The following HSH2D variants were observed in gnomAD, a reference collection of about 807,000 sequenced individuals.
HSH2D encodes the protein hematopoietic SH2 domain-containing protein.
HSH2D carries 16 observed loss-of-function variants against 21.5 expected under a neutral mutation model. The ratio of observed to expected loss-of-function variants is 0.74; its 90% confidence interval spans 0.50 to 1.13. The LOEUF (loss-of-function observed/expected upper bound fraction) is 1.13, where lower values mean the gene tolerates loss of function less well. HSH2D is among the 50% of genes most tolerant of loss of function. The pLI is 0.00. For synonymous variants in HSH2D, 172 were observed against 184.7 expected (o/e 0.93, Z 0.56); for missense variants, 418 against 441.4 (o/e 0.95, Z 0.47).
At chr19:16,142,932 C>T (rs1568327190), upstream of HSH2D, among the ~76,000 whole-genome samples, 5 of 151,490 alleles carry the variant, frequency 3.3e-5, no homozygotes, top group Non-Finnish European at 5.9e-5. Flanking sequence ...GCCACCACGC[C>T]TAATTTTTGT....
intron 3 of HSH2D, 59 bp downstream of exon 3, chr19:16,152,700 G>T (rs781144370): frequency 9.6e-6 from 12 of 1,250,050 alleles, no homozygotes; most frequent in South Asian, 3.9e-5. Flanking sequence ...TTCCTTGGAG[G>T]GGGCAAGGGG....
intron 3 of HSH2D, 128 bp from the exon 4 acceptor site, chr19:16,152,915 G>A (rs1236020383): frequency 6.2e-6 from 7 of 1,124,458 alleles, no homozygotes; most frequent in Non-Finnish European, 9.1e-6. Context: ...TGGCCAGTGA[G>A]TGAAGAAGCC....
chr19:16,154,342 C>T (rs1385612312), intron 4 of HSH2D, 57 bp from the exon 5 acceptor site: 3 of 1,199,148 alleles, frequency 2.5e-6, no homozygotes, highest in South Asian at 2.8e-5. Flanking sequence ...TTCCAGGGTC[C>T]GTGCAGGACC....
upstream of HSH2D, chr19:16,139,723 TG>T (rs1568325923): frequency 6.6e-6 from 1 of 152,298 alleles, no homozygotes; most frequent in Admixed American, 6.5e-5. Flanking sequence ...AATCTGTGAA[TG>T]GCCCACTTAC....
intron 1 of HSH2D, among the ~76,000 whole-genome samples, chr19:16,138,640 TAG>T (rs1379198173): frequency 2.0e-5 from 3 of 152,014 alleles, no homozygotes; most frequent in Non-Finnish European, 2.9e-5. Context: ...GTATTTTTGG[TAG>T]AGACAGGGTT....
At chr19:16,148,978 T>A (rs1568330109) in intron 2 of HSH2D, 103 bp downstream of exon 2, 1 of 1,294,976 alleles carries the variant, frequency 7.7e-7, no homozygotes, top group Non-Finnish European at 1.1e-6. Context: ...TTGGCTCAGC[T>A]CAGTGTGGCA....
At chr19:16,152,013 A>G (rs2091161770) in intron 2 of HSH2D, among the ~76,000 whole-genome samples, 1 of 150,382 alleles carries the variant, frequency 6.6e-6, no homozygotes, top group African/African-American at 2.4e-5. Flanking sequence ...AGGCTGAGGC[A>G]AGAGAATCAC....
rs376770192 is a variant in HSH2D at position 16,153,040 on chromosome 19, C to T, written c.216-3C>T. ...TGTCCCAGCCCCCGCAGTGTCTCCGCAGAGCCCAAAGCAGCTGCTGCCATT... is the reference window on the plus strand; with the variant it reads ...TGTCCCAGCCCCCGCAGTGTCTCCGTAGAGCCCAAAGCAGCTGCTGCCATT... On this transcript the variant is annotated splice_region_variant and splice_polypyrimidine_tract_variant and intron_variant, in intron 3 of 5. Coordinates refer to ENST00000613986, the MANE Select transcript of HSH2D (RefSeq NM_001382417.1). The T allele has an allele frequency of 3.1e-6, 5 of 1,608,662 alleles. No individual in the cohort carries two copies. The highest frequency in any genetic ancestry group is 3.4e-6 in the Non-Finnish European group (4 of 1,177,780).
intron 3 of HSH2D, 33 bp downstream of exon 3, chr19:16,152,674 A>T (rs1245461799): frequency 2.6e-6 from 4 of 1,509,584 alleles, no homozygotes; most frequent in Non-Finnish European, 3.6e-6. Context: ...GGGCAGGGGC[A>T]GGTGGGCTCT....
At chr19:16,150,811 T>C (rs1273173727) in intron 2 of HSH2D, among the ~76,000 whole-genome samples, 1 of 152,198 alleles carries the variant, frequency 6.6e-6, no homozygotes, top group Non-Finnish European at 1.5e-5. Context: ...TGAGTTATGA[T>C]TGCATCTCTG....
In HSH2D at chr19:16,154,382, C is replaced by G; in HGVS notation, c.382-17C>G. 6.6e-7 allele frequency: 1 copy of G among 1,526,392 alleles called. No homozygotes were observed. The allele number at this position is 1,526,392 out of a possible 1,614,324, so 94.6% of individuals were successfully genotyped here. A position where few individuals can be genotyped will look rare whatever the true frequency, so the allele number is the denominator to read the frequency against. ...CCCCTCCCTAGTGCTGAGCTACAGG[C>G]CCCTTCCGCCCTGCAGAAGGATCCC... is the stretch of plus-strand genomic sequence containing the variant. On this transcript the variant is annotated splice_polypyrimidine_tract_variant and intron_variant, in intron 4 of 5. Coordinates refer to ENST00000613986, the MANE Select transcript of HSH2D (RefSeq NM_001382417.1).
upstream of HSH2D, among the ~76,000 whole-genome samples, chr19:16,143,234 G>A (rs942372422): frequency 2.0e-4 from 31 of 152,074 alleles, no homozygotes; most frequent in African/African-American, 5.1e-4. Flanking sequence ...ACAGGCGTGC[G>A]CCGCCACACC....
Position 16,157,042 on chromosome 19 carries a change from C to T in HSH2D, c.475-168C>T, listed in dbSNP as rs2091245609. On this transcript the variant is annotated intron_variant, in intron 5 of 5. Coordinates refer to ENST00000613986, the MANE Select transcript of HSH2D (RefSeq NM_001382417.1). The surrounding 1 kb of genome is among the most constrained non-coding windows in gnomAD (Gnocchi z 4.4). ...CCAACCCCTGGGGGAGACAGTGAAG[C>T]CATTTACTGAGACGAGAAAGATGGG... is the stretch of plus-strand genomic sequence containing the variant. 6.6e-6 allele frequency among the ~76,000 whole-genome samples: 1 copy of T among 151,618 alleles called. No homozygotes were observed. Among genetic ancestry groups the T allele is most frequent in the Non-Finnish European group, 1.5e-5 (1 of 67,974 alleles).
At chr19:16,150,572 C>T (rs1485056372) in intron 2 of HSH2D, among the ~76,000 whole-genome samples, 1 of 151,544 alleles carries the variant, frequency 6.6e-6, no homozygotes, top group Non-Finnish European at 1.5e-5. Flanking sequence ...CACGGTGGCA[C>T]GTGCCTGTAA....
intron 1 of HSH2D, among the ~76,000 whole-genome samples, chr19:16,144,686 CTTTTTTT>C (rs35070155): frequency 4.7e-5 from 4 of 85,918 alleles, no homozygotes; most frequent in African/African-American, 9.3e-5. Context: ...ATTCTAGGCT[CTTTTTTT>C]TTTTTTTTTT....
upstream of HSH2D, among the ~76,000 whole-genome samples, chr19:16,141,437 G>A (rs971970901): frequency 1.3e-5 from 2 of 152,150 alleles, no homozygotes; most frequent in African/African-American, 4.8e-5. Flanking sequence ...CCTGGGGTAC[G>A]AGCACACGGC....
upstream of HSH2D, among the ~76,000 whole-genome samples, chr19:16,143,154 T>G (rs150889466): frequency 7.0e-3 from 1,060 of 151,226 alleles, 11 homozygotes; most frequent in African/African-American, 0.024. Context: ...GTGCGATCTC[T>G]GCTCACTGCA....
intron 1 of HSH2D, among the ~76,000 whole-genome samples, chr19:16,145,613 C>T (rs2091057140): frequency 6.6e-6 from 1 of 152,162 alleles, no homozygotes; most frequent in African/African-American, 2.4e-5. Context: ...TCAGGCCATA[C>T]CCCAGAGGGT....
intron 5 of HSH2D, among the ~76,000 whole-genome samples, chr19:16,156,813 C>A (rs1308179662): frequency 2.6e-5 from 4 of 152,052 alleles, no homozygotes; most frequent in African/African-American, 9.7e-5. Context: ...CATGGTGAAA[C>A]CATGTCTCTA....
Sources: gnomAD v4.1 joint callset for allele counts (sites outside exome capture counted in the v4.1 genomes callset) on GRCh38, gnomAD v4.1.1 for gene constraint, Gnocchi (gnomAD v3.1) non-coding constraint, MANE v1.5 for transcripts, NCBI Gene and HGNC (gene_info 2026-07-23, HGNC 2026-07-21) for gene names.